Variants in ZNRF3 observed in about 807,000 individuals in gnomAD.
ZNRF3 encodes the protein E3 ubiquitin-protein ligase ZNRF3.
Under a neutral mutation model 72.5 loss-of-function variants are expected in ZNRF3, and 23 were observed. The observed-to-expected ratio is 0.32, with a 90% CI of 0.23 to 0.45. The LOEUF is 0.45. Ranked by LOEUF, ZNRF3 falls within the 20% of genes least tolerant of loss-of-function variation. The pLI is 1.00. For synonymous variants in ZNRF3, 610 were observed against 545.3 expected (o/e 1.12, Z -1.65); for missense variants, 1,169 against 1,272.1 (o/e 0.92, Z 1.23).
At chr22:28,887,235 AGTGTGTGTGTGTGTGTGTGTGT>A (rs1179478685) in intron 1 of ZNRF3, among the ~76,000 whole-genome samples, 1 of 93,092 alleles carries the variant, frequency 1.1e-5, no homozygotes, top group Non-Finnish European at 2.3e-5. Flanking sequence ...AGAGAGAGAG[AGTGTGTGTGTGTGTGTGTGTGT>A]GTGTGTGTGT....
chr22:28,901,076 A>C (rs186301172), intron 1 of ZNRF3, among the ~76,000 whole-genome samples: 1 of 152,284 alleles, frequency 6.6e-6, no homozygotes, highest in Admixed American at 6.5e-5. Context: ...GTGCCACTGC[A>C]TTCCAGCCTG....
At chr22:28,887,716 TCTC>T (rs764520959) in intron 1 of ZNRF3, among the ~76,000 whole-genome samples, 2 of 152,174 alleles carry the variant, frequency 1.3e-5, no homozygotes, top group Admixed American at 6.5e-5. Flanking sequence ...TAATTACACT[TCTC>T]CTGTAGTTCT....
chr22:29,016,957 A>G (rs2036448201), intron 2 of ZNRF3, among the ~76,000 whole-genome samples: 1 of 152,244 alleles, frequency 6.6e-6, no homozygotes, highest in African/African-American at 2.4e-5. Flanking sequence ...TATATTCTCT[A>G]TGAAATTGAG....
At chr22:28,887,023 A>C (rs2033800533) in intron 1 of ZNRF3, among the ~76,000 whole-genome samples, 1 of 152,156 alleles carries the variant, frequency 6.6e-6, no homozygotes, top group African/African-American at 2.4e-5. Context: ...AGCAGAGTTC[A>C]TTTTCCTATA....
In ZNRF3 at chr22:28,975,328, C is replaced by A. The variant is rs528704916; in HGVS notation, c.301-11748C>A. On this transcript the variant is annotated intron_variant, in intron 1 of 8. Transcript: ENST00000544604. ...ACCAGCCTGGCCAATATGGTGAAAC[C>A]CTATCTCTACTAAAAATACCAAAAT... is the stretch of plus-strand genomic sequence containing the variant. 1.1e-4 allele frequency among the ~76,000 whole-genome samples: 16 copies of A among 152,016 alleles called. No homozygotes were observed. In the East Asian group the frequency reaches 3.1e-3, roughly 30 times the overall value.
At chr22:28,922,609 C>T (rs1245628308) in intron 1 of ZNRF3, among the ~76,000 whole-genome samples, 1 of 152,122 alleles carries the variant, frequency 6.6e-6, no homozygotes, top group African/African-American at 2.4e-5. Context: ...TAGGTTTGAC[C>T]TCCCAAAGGT....
At position 29,049,722 on chromosome 22, in the gene ZNRF3, A is replaced by C; in HGVS notation, c.1541A>C (p.His514Pro). The C allele has an allele frequency of 6.2e-7, 1 of 1,600,620 alleles. No homozygotes were observed. The highest frequency in any genetic ancestry group is 8.5e-7 in the Non-Finnish European group (1 of 1,173,918). Residue 514 changes from histidine (H) to proline (P), a missense_variant, in exon 8 of 9, where the codon CAC (histidine) becomes CCC (proline). Transcript: ENST00000544604. The surrounding 1 kb of genome is among the most constrained non-coding windows in gnomAD (Gnocchi z 5.2). ...AGCCTGCTCTTCCCCACCGTGGTGC[A>C]CGTGGCCCCGCCCTCCCACCTGGAG... is the stretch of plus-strand genomic sequence containing the variant. ...SGSLLFPTVVHVAPPSHLESG... is the reference protein window; with the variant it reads ...SGSLLFPTVVPVAPPSHLESG...
chr22:28,975,275 G>T (rs894916987), intron 1 of ZNRF3, among the ~76,000 whole-genome samples: 1 of 152,016 alleles, frequency 6.6e-6, no homozygotes, highest in Non-Finnish European at 1.5e-5. Context: ...AGGCCGAGGT[G>T]GGCGGATCAC....
At chr22:29,008,079 T>A (rs2036290187) in intron 2 of ZNRF3, among the ~76,000 whole-genome samples, 1 of 152,134 alleles carries the variant, frequency 6.6e-6, no homozygotes, top group South Asian at 2.1e-4. Context: ...TCTTTCCTTT[T>A]TGCAAAGTTA....
At chr22:28,908,910 G>GT (rs1432258860) in intron 1 of ZNRF3, among the ~76,000 whole-genome samples, 3 of 152,104 alleles carry the variant, frequency 2.0e-5, no homozygotes, top group Non-Finnish European at 4.4e-5. Flanking sequence ...TTGTTTGTTT[G>GT]TTTTTGAGAT....
At chr22:28,904,726 C>G (rs2034173170) in intron 1 of ZNRF3, among the ~76,000 whole-genome samples, 1 of 152,052 alleles carries the variant, frequency 6.6e-6, no homozygotes, top group South Asian at 2.1e-4. Context: ...GCTGCATTCA[C>G]ACACACACAT....
At chr22:28,885,091 C>A (rs1467322713) in intron 1 of ZNRF3, among the ~76,000 whole-genome samples, 1 of 152,136 alleles carries the variant, frequency 6.6e-6, no homozygotes, top group African/African-American at 2.4e-5. Context: ...GCTTTGTGGG[C>A]CTTCTGTGCT....
chr22:28,937,226 T>C (rs1256107856), intron 1 of ZNRF3, among the ~76,000 whole-genome samples: 1 of 23,050 alleles, frequency 4.3e-5, no homozygotes, highest in Non-Finnish European at 4.1e-4. Context: ...TTTTTTTTTT[T>C]TTTTTTTTTT....
At position 28,911,861 on chromosome 22, in the gene ZNRF3, C is replaced by T. The variant is rs140824522; in HGVS notation, c.300+27795C>T. On this transcript the variant is annotated intron_variant, in intron 1 of 8. Transcript: ENST00000544604. ...TTGAACATGGTCCTTTAGGATTAGG[C>T]AATAGAGTGGTAGGCTGGTTTAGAC... Among the ~76,000 whole-genome samples the T allele has an allele frequency of 8.0e-3, 1,216 of 152,108 alleles. 17 individuals carry two copies. Among genetic ancestry groups the T allele is most frequent in the African/African-American group, 0.028 (1,167 of 41,480 alleles).
chr22:28,979,629 C>T (rs2035731025), intron 1 of ZNRF3, among the ~76,000 whole-genome samples: 1 of 152,204 alleles, frequency 6.6e-6, no homozygotes, highest in Non-Finnish European at 1.5e-5. Context: ...AAATCCTGAC[C>T]TATTTGCCCT....
At chr22:28,896,823 G>T (rs1047255751) in intron 1 of ZNRF3, among the ~76,000 whole-genome samples, 1 of 152,220 alleles carries the variant, frequency 6.6e-6, no homozygotes, top group Non-Finnish European at 1.5e-5. Context: ...GGAAATGGTG[G>T]TATCTTCAAG....
intron 1 of ZNRF3, among the ~76,000 whole-genome samples, chr22:28,897,469 C>T (rs563995278): frequency 3.4e-4 from 52 of 152,290 alleles, no homozygotes; most frequent in Non-Finnish European, 6.0e-4. Flanking sequence ...CACAGAAATG[C>T]GCCACCACGC....
At chr22:28,908,058 CCACTGGAGTAGGTCA>C (rs1340493369) in intron 1 of ZNRF3, among the ~76,000 whole-genome samples, 1 of 152,204 alleles carries the variant, frequency 6.6e-6, no homozygotes, top group Non-Finnish European at 1.5e-5. Flanking sequence ...TTTGGAGGGA[CCACTGGAGTAGGTCA>C]TTTATATTCA....
At chr22:28,931,318 G>C (rs1233785258) in intron 1 of ZNRF3, among the ~76,000 whole-genome samples, 1 of 152,152 alleles carries the variant, frequency 6.6e-6, no homozygotes, top group Non-Finnish European at 1.5e-5. Context: ...GGAACTTCAT[G>C]TGTTAGAGAA....
Sources: allele counts gnomAD v4.1 joint callset (sites outside exome capture counted in the v4.1 genomes callset), GRCh38; gene constraint gnomAD v4.1.1; non-coding constraint Gnocchi (gnomAD v3.1); transcripts MANE v1.5; gene names NCBI Gene and HGNC (gene_info 2026-07-23, HGNC 2026-07-21).